The following CNOT10 variants were observed in gnomAD, a reference collection of about 807,000 sequenced individuals.
CNOT10 encodes the protein CCR4-NOT transcription complex, subunit 10.
In CNOT10, 30 loss-of-function variants were observed where a neutral mutation model predicts 94.6. That is an observed-to-expected ratio of 0.32 (90% CI 0.24 to 0.43). CNOT10 has a LOEUF of 0.43. CNOT10 is among the 20% of genes least tolerant of loss of function. CNOT10 has a pLI of 1.00. For missense variants in CNOT10, 759 were observed against 877.2 expected, an observed-to-expected ratio of 0.87 and a Z score of 1.70; for synonymous variants, 289 against 301.6, an observed-to-expected ratio of 0.96 and a Z score of 0.43.
chr3:32,708,910 A>C, intron 4 of CNOT10, 90 bp downstream of exon 4: 1 of 1,033,484 alleles, frequency 9.7e-7, no homozygotes, highest in Non-Finnish European at 1.4e-6. Context: ...TAAATCCGAG[A>C]AGTCCATGCC....
At chr3:32,768,755 A>C (rs1700766576) in intron 17 of CNOT10, among the ~76,000 whole-genome samples, 1 of 152,200 alleles carries the variant, frequency 6.6e-6, no homozygotes, top group Admixed American at 6.5e-5. Context: ...ACTTCTTAGA[A>C]GCACATGCTC....
intron 13 of CNOT10, among the ~76,000 whole-genome samples, chr3:32,749,635 C>G (rs532983771): frequency 7.9e-5 from 12 of 152,140 alleles, no homozygotes; most frequent in African/African-American, 2.4e-4. Flanking sequence ...GTCTCGAACA[C>G]CCAACTTTCG....
intron 1 of CNOT10, among the ~76,000 whole-genome samples, chr3:32,696,275 C>G (rs2125498971): frequency 6.6e-6 from 1 of 151,560 alleles, no homozygotes; most frequent in South Asian, 2.1e-4. Flanking sequence ...GGGATTGTGC[C>G]TCTGCACTCC....
chr3:32,689,525 G>A (rs1402909170), intron 1 of CNOT10, among the ~76,000 whole-genome samples: 1 of 152,170 alleles, frequency 6.6e-6, no homozygotes, highest in Non-Finnish European at 1.5e-5. Flanking sequence ...CAACAAATAT[G>A]CAAATGTACA....
intron 8 of CNOT10, among the ~76,000 whole-genome samples, chr3:32,720,920 TTCCTTCCTTCCTTCCC>T (rs1698362835): frequency 7.3e-6 from 1 of 137,042 alleles, no homozygotes; most frequent in Admixed American, 7.4e-5. Context: ...CCTTCCTTCC[TTCCTTCCTTCCTTCCC>T]TTCTTCCCTT....
Position 32,708,746 on chromosome 3 carries a change from T to C in CNOT10, c.356T>C (p.Ile119Thr), listed in dbSNP as rs772296182. 2 of 1,613,622 alleles carry C rather than the reference T, an allele frequency of 1.2e-6. No individual in the cohort carries two copies. Among genetic ancestry groups the C allele is most frequent in the South Asian group, 1.1e-5 (1 of 91,062 alleles). ...ATGTTGTACTATAATCAAGCAGTCA[T>C]TCTTTATCATCTGCGGCAGTATACA... ...NSMLYYNQAV[I>T]LYHLRQYTEA... is the part of the protein sequence containing the mutation. Residue 119 changes from isoleucine (I) to threonine (T), a missense_variant, in exon 4 of 19, where the codon ATT (isoleucine) becomes ACT (threonine). Coordinates refer to ENST00000328834, the MANE Select transcript of CNOT10 (RefSeq NM_015442.3).
In CNOT10 at chr3:32,696,861, A is replaced by C. The variant is rs145170638; in HGVS notation, c.23-7007A>C. 1.8e-3 allele frequency among the ~76,000 whole-genome samples: 281 copies of C among 152,280 alleles called. 1 individual carries two copies. The highest frequency in any genetic ancestry group is 6.5e-3 in the African/African-American group (272 of 41,558). On this transcript the variant is annotated intron_variant, in intron 1 of 18. Coordinates refer to ENST00000328834, the MANE Select transcript of CNOT10 (RefSeq NM_015442.3). Reference sequence around the variant, plus strand: ...CCGAAGTGCTGGGATTACAGGCGTGAGCCAGTGTGTCCAGCCCAGCTTATA... The same window carrying C: ...CCGAAGTGCTGGGATTACAGGCGTGCGCCAGTGTGTCCAGCCCAGCTTATA...
intron 4 of CNOT10, 110 bp downstream of exon 4, chr3:32,708,930 A>C: frequency 1.2e-6 from 1 of 813,086 alleles, no homozygotes; most frequent in Non-Finnish European, 1.8e-6. Context: ...CAGTATTCAA[A>C]GAAAAGCCGT....
intron 6 of CNOT10, among the ~76,000 whole-genome samples, chr3:32,716,703 A>G (rs114635607): frequency 5.5e-4 from 84 of 152,136 alleles, no homozygotes; most frequent in Non-Finnish European, 9.8e-4. Context: ...GCTGCAGTGC[A>G]ATGGTGCGAT....
At chr3:32,749,756 T>TC (rs1172135053) in intron 13 of CNOT10, among the ~76,000 whole-genome samples, 2 of 152,068 alleles carry the variant, frequency 1.3e-5, no homozygotes, top group African/African-American at 4.8e-5. Context: ...AGGCTCAACT[T>TC]CATTTTTTTT....
chr3:32,743,294 A>G (rs62250849), intron 13 of CNOT10, among the ~76,000 whole-genome samples: 12,822 of 152,006 alleles, frequency 0.084, 669 homozygotes, highest in Middle Eastern at 0.18. Context: ...CTTAATGAGT[A>G]CTAATCTTAG....
At chr3:32,764,328 C>A in intron 15 of CNOT10, 127 bp from the exon 16 acceptor site, 2 of 889,546 alleles carry the variant, frequency 2.2e-6, no homozygotes, top group East Asian at 2.6e-5. Context: ...CAGAGCGAGG[C>A]TCCATCTCAA....
At chr3:32,758,452 A>T (rs1700307035) in intron 13 of CNOT10, among the ~76,000 whole-genome samples, 1 of 152,194 alleles carries the variant, frequency 6.6e-6, no homozygotes, top group Non-Finnish European at 1.5e-5. Flanking sequence ...TGCTTTTTAT[A>T]GGAAGAGCCA....
intron 12 of CNOT10, among the ~76,000 whole-genome samples, chr3:32,736,921 G>C (rs1020161258): frequency 1.3e-5 from 2 of 152,074 alleles, no homozygotes; most frequent in Non-Finnish European, 2.9e-5. Context: ...GGGGGCAGTG[G>C]GGGAAGAAAC....
chr3:32,764,377 C>T (rs1332634280), intron 15 of CNOT10, 78 bp from the exon 16 acceptor site: 3 of 1,418,394 alleles, frequency 2.1e-6, no homozygotes, highest in Non-Finnish European at 2.9e-6. Context: ...ATGCCCTCTA[C>T]CTTCTGAGCC....
intron 4 of CNOT10, among the ~76,000 whole-genome samples, chr3:32,710,600 A>G (rs1215911251): frequency 6.6e-6 from 1 of 152,086 alleles, no homozygotes; most frequent in Non-Finnish European, 1.5e-5. Context: ...TCACTGCCCT[A>G]AGAATTCTGT....
rs2125548876 is a variant in CNOT10, at chr3:32,720,666, G to A, written c.862+435G>A. On this transcript the variant is annotated intron_variant, in intron 8 of 18. Coordinates refer to ENST00000328834, the MANE Select transcript of CNOT10 (RefSeq NM_015442.3). ...CACCACCATGCCTGGCTTATTTATT[G>A]TAGAAACAAGGTCTCATTATGTTGC... 2.0e-5 allele frequency among the ~76,000 whole-genome samples: 3 copies of A among 151,322 alleles called. No individual in the cohort carries two copies. The South Asian group carries it at 6.3e-4, about 32-fold the overall frequency.
chr3:32,713,510 T>G (rs898157972), intron 5 of CNOT10, 141 bp downstream of exon 5: 1 of 649,738 alleles, frequency 1.5e-6, no homozygotes, highest in Non-Finnish European at 2.5e-6. Context: ...AAAGATACAA[T>G]TTTCATATTA....
At chr3:32,724,704 G>A (rs567440344) in intron 8 of CNOT10, among the ~76,000 whole-genome samples, 41 of 151,648 alleles carry the variant, frequency 2.7e-4, no homozygotes, top group East Asian at 1.4e-3. Flanking sequence ...GAGCCACTGC[G>A]CCCAGCCCAA....
Sources: gnomAD v4.1 joint callset for allele counts (sites outside exome capture counted in the v4.1 genomes callset) on GRCh38, gnomAD v4.1.1 for gene constraint, MANE v1.5 for transcripts, NCBI Gene and HGNC (gene_info 2026-07-23, HGNC 2026-07-21) for gene names.